The following BSN variants were observed in gnomAD, a reference collection of about 807,000 sequenced individuals.
BSN encodes protein bassoon.
BSN carries 57 observed loss-of-function variants against 264.8 expected under a neutral mutation model. The observed-to-expected ratio is 0.22, with a 90% CI of 0.17 to 0.27. The LOEUF (loss-of-function observed/expected upper bound fraction) is 0.27, where lower values mean the gene tolerates loss of function less well. Among genes scored for constraint, BSN ranks in the 10% least tolerant of loss-of-function variants. BSN has a pLI of 1.00. For synonymous variants in BSN, 2,059 were observed against 2,137.3 expected, an observed-to-expected ratio of 0.96 and a Z score of 1.01; for missense variants, 4,615 against 5,232.5, an observed-to-expected ratio of 0.88 and a Z score of 3.64.
In BSN at chr3:49,660,149, G is replaced by C. The variant is rs1434265431; in HGVS notation, c.8641-337G>C. On this transcript the variant is annotated intron_variant, in intron 5 of 11. Transcript: ENST00000296452. This position sits in a 1 kb window ranked among gnomAD's most constrained non-coding sequence, Gnocchi z 7.1. ...TCTTCTTACCTCAATGTGAGGCAGAGGGTGGCAGGCCCATTGGAGATGTGC... is the reference window on the plus strand; with the variant it reads ...TCTTCTTACCTCAATGTGAGGCAGACGGTGGCAGGCCCATTGGAGATGTGC... Among the ~76,000 whole-genome samples the C allele has an allele frequency of 6.6e-6, 1 of 152,174 alleles. No individual in the cohort carries two copies. Among genetic ancestry groups the C allele is most frequent in the Non-Finnish European group, 1.5e-5 (1 of 68,018 alleles).
chr3:49,616,049 A>T (rs1229973333), intron 1 of BSN, among the ~76,000 whole-genome samples: 1 of 152,232 alleles, frequency 6.6e-6, no homozygotes, highest in Non-Finnish European at 1.5e-5. Flanking sequence ...TTTATAAAAA[A>T]TATGCATTTA....
rs2051648334 is a variant in BSN, at chr3:49,554,608, C to T, written c.6C>T (p.Gly2=). The change falls in exon 1 of 12, where the codon GGC becomes GGT. Residue 2 remains glycine, a synonymous_variant. Coordinates refer to ENST00000296452, the MANE Select transcript of BSN (RefSeq NM_003458.4). M[G]NEVSLEGGAG... ...CGCCCGCCCGCCTGCCCGCCATGGGCAACGAGGTCAGCCTGGAGGGCGGCG... is the reference window on the plus strand; with the variant it reads ...CGCCCGCCCGCCTGCCCGCCATGGGTAACGAGGTCAGCCTGGAGGGCGGCG... The T allele has an allele frequency of 6.1e-6, 6 of 987,442 alleles. No homozygotes were observed. Among genetic ancestry groups the T allele is most frequent in the Non-Finnish European group, 7.2e-6 (6 of 832,822 alleles). The allele number at this position is 987,442 out of a possible 1,614,324, so 61.2% of individuals were successfully genotyped here.
intron 1 of BSN, among the ~76,000 whole-genome samples, chr3:49,609,927 G>A (rs1338567447): frequency 6.6e-6 from 1 of 152,162 alleles, no homozygotes; most frequent in Non-Finnish European, 1.5e-5. Context: ...ACCACACAGA[G>A]CCTCTGCTTC....
In BSN at chr3:49,663,833, C is replaced by T. The variant is rs769943203; in HGVS notation, c.11555C>T (p.Pro3852Leu). The T allele has an allele frequency of 1.6e-5, 26 of 1,613,984 alleles. No homozygotes were observed. The highest frequency in any genetic ancestry group is 1.5e-4 in the African/African-American group (11 of 74,928). ...GGCTCTAAAGGGACAGCCAAAGCAC[C>T]GCAACAGGGGAGGGCTCCTCAGGCC... ...TNGSKGTAKA[P>L]QQGRAPQAQP... Residue 3852 changes from proline (P) to leucine (L), a missense_variant, in exon 8 of 12, where the codon CCG (proline) becomes CTG (leucine). Pro to Leu is a moderately conservative substitution (Grantham distance 98). Around this residue, in one of 3 missense-constraint regions of BSN, gnomAD observed 3,415 missense variants for 3,866.4 expected, o/e 0.88. Transcript: ENST00000296452.
At chr3:49,555,348 C>G (rs1282255407) in intron 1 of BSN, among the ~76,000 whole-genome samples, 1 of 152,186 alleles carries the variant, frequency 6.6e-6, no homozygotes, top group Non-Finnish European at 1.5e-5. Context: ...TGGCTGTAAT[C>G]ACCTTTGGGG....
chr3:49,642,173 G>A lies in BSN; in HGVS notation c.634-95G>A. On this transcript the variant is annotated intron_variant, in intron 2 of 11. Transcript: ENST00000296452. The surrounding 1 kb of genome is among the most constrained non-coding windows in gnomAD (Gnocchi z 7.0). ...GGGCTTGGTGCTCCTGCCTGTGCTA[G>A]GAGTGGCCTTGGCTGCTGTGGGGCC... 6 of 1,015,650 alleles carry A rather than the reference G, an allele frequency of 5.9e-6. No homozygotes were observed. The highest frequency in any genetic ancestry group is 8.2e-6 in the Non-Finnish European group (6 of 733,022). 62.9% of individuals were successfully genotyped at this position (1,015,650 alleles called of 1,614,324 possible).
chr3:49,581,216 C>T (rs558335817), intron 1 of BSN, among the ~76,000 whole-genome samples: 2 of 152,176 alleles, frequency 1.3e-5, no homozygotes, highest in African/African-American at 2.4e-5. Context: ...AACTCCTGAC[C>T]TCAAGTGATC....
At chr3:49,616,045 A>G (rs1281872088) in intron 1 of BSN, among the ~76,000 whole-genome samples, 1 of 152,220 alleles carries the variant, frequency 6.6e-6, no homozygotes, top group Non-Finnish European at 1.5e-5. Flanking sequence ...GGGTTTTATA[A>G]AAAATATGCA....
chr3:49,660,979 C>A lies in BSN; in HGVS notation c.9134C>A (p.Pro3045His), dbSNP rs542682997. The A allele has an allele frequency of 4.6e-5, 74 of 1,611,726 alleles. No homozygotes were observed. Among genetic ancestry groups the A allele is most frequent in the Middle Eastern group, 3.3e-4 (2 of 6,062 alleles). ...FPATAAAPAT[P>H]SGPTAFQQPR... Reference sequence around the variant, plus strand: ...GCCACTGCCGCTGCTCCTGCCACCCCCTCTGGTCCCACTGCCTTCCAGCAG... The same window carrying A: ...GCCACTGCCGCTGCTCCTGCCACCCACTCTGGTCCCACTGCCTTCCAGCAG... Residue 3045 changes from proline (P) to histidine (H), a missense_variant, in exon 6 of 12, where the codon CCC becomes CAC. Transcript: ENST00000296452. This position sits in a 1 kb window ranked among gnomAD's most constrained non-coding sequence, Gnocchi z 7.1.
At position 49,663,071 on chromosome 3, in the gene BSN, G is replaced by A. The variant is rs147167809; in HGVS notation, c.10913G>A (p.Arg3638His). 6 of 1,612,490 alleles carry A rather than the reference G, an allele frequency of 3.7e-6. No homozygotes were observed. The highest frequency in any genetic ancestry group is 5.1e-6 in the Non-Finnish European group (6 of 1,179,840). ...CCTCATGATGAGGGTGGCCCAGGCC[G>A]CCATGCCTCAGCCAAGGAACACCGG... Reference protein sequence around the residue: ...LWPHDEGGPGRHASAKEHRHG... With the variant: ...LWPHDEGGPGHHASAKEHRHG... Residue 3638 changes from arginine to histidine, a missense_variant, in exon 7 of 12, where the codon CGC becomes CAC. Transcript: ENST00000296452.
rs1559618905 is a variant in BSN, at chr3:49,661,354, C to T, written c.9509C>T (p.Pro3170Leu). The T allele has an allele frequency of 3.1e-6, 5 of 1,614,038 alleles. No homozygotes were observed. The Middle Eastern group carries it at 6.6e-4, about 213-fold the overall frequency. The change falls in exon 6 of 12, where the codon CCC (proline) becomes CTC (leucine). Residue 3170 changes from proline to leucine, a missense_variant. Physicochemically the swap from Pro to Leu is moderately conservative, Grantham distance 98 (BLOSUM62 -3). Transcript: ENST00000296452. ...NYEVIASPVVPMSSAPSETSY... is the reference protein window; with the variant it reads ...NYEVIASPVVLMSSAPSETSY... Reference sequence around the variant, plus strand: ...GAGGTGATCGCCAGCCCCGTTGTGCCCATGTCTTCAGCCCCATCTGAAACC... The same window carrying T: ...GAGGTGATCGCCAGCCCCGTTGTGCTCATGTCTTCAGCCCCATCTGAAACC...
In BSN at chr3:49,631,981, T is replaced by C. The variant is rs527908334; in HGVS notation, c.633+6598T>C. Among the ~76,000 whole-genome samples, 195 of 152,294 alleles carry C rather than the reference T, an allele frequency of 1.3e-3. 1 individual carries two copies. The highest frequency in any genetic ancestry group is 4.1e-3 in the African/African-American group (172 of 41,552). On this transcript the variant is annotated intron_variant, in intron 2 of 11. Transcript: ENST00000296452. ...AGTGTGGTACTGGCATAGAGACATA[T>C]AGACCAATAGAGTAGAATACGTAGC...
At position 49,638,449 on chromosome 3, in the gene BSN, A is replaced by T. The variant is rs1464620416; in HGVS notation, c.634-3819A>T. Among the ~76,000 whole-genome samples, 2 of 152,022 alleles carry T rather than the reference A, an allele frequency of 1.3e-5. No individual in the cohort carries two copies. The highest frequency in any genetic ancestry group is 2.9e-5 in the Non-Finnish European group (2 of 67,980). ...GGCTCCTCCCAGGAAACTGCTGGGG[A>T]TCTGTCGGGGAGGCAGAGAGGGGGA... On this transcript the variant is annotated intron_variant, in intron 2 of 11. Coordinates refer to ENST00000296452, the MANE Select transcript of BSN (RefSeq NM_003458.4). This position sits in a 1 kb window ranked among gnomAD's most constrained non-coding sequence, Gnocchi z 4.3.
intron 3 of BSN, among the ~76,000 whole-genome samples, chr3:49,647,788 C>T (rs777067263): frequency 6.6e-6 from 1 of 152,226 alleles, no homozygotes; most frequent in Non-Finnish European, 1.5e-5. Context: ...CCACCCGATT[C>T]TCATTCCCCA....
rs546992544 is a variant in BSN, at chr3:49,592,645, G to T, written c.225-32330G>T. Among the ~76,000 whole-genome samples, 283 of 151,242 alleles carry T rather than the reference G, an allele frequency of 1.9e-3. 2 individuals carry two copies. Among genetic ancestry groups the T allele is most frequent in the African/African-American group, 6.5e-3 (269 of 41,340 alleles). On this transcript the variant is annotated intron_variant, in intron 1 of 11. Transcript: ENST00000296452. ...GGGCGCCTGTAGTCCCAGCTACTCG[G>T]GAGGCTGAGGCAGGAGAATGGTGTG...
At chr3:49,618,562 A>G (rs2052279321) in intron 1 of BSN, among the ~76,000 whole-genome samples, 1 of 152,230 alleles carries the variant, frequency 6.6e-6, no homozygotes, top group Admixed American at 6.5e-5. Context: ...AGTTCAACAC[A>G]CACTATCACA....
chr3:49,623,346 G>T (rs1332293541), intron 1 of BSN, among the ~76,000 whole-genome samples: 1 of 152,232 alleles, frequency 6.6e-6, no homozygotes, highest in Non-Finnish European at 1.5e-5. Context: ...ACTAAAGCAG[G>T]GAGAGAATTT....
chr3:49,621,767 G>C (rs1372906604), intron 1 of BSN, among the ~76,000 whole-genome samples: 1 of 152,036 alleles, frequency 6.6e-6, no homozygotes, highest in Non-Finnish European at 1.5e-5. Flanking sequence ...ACTCAGGCTG[G>C]AGCACAGCAG....
chr3:49,589,170 C>G (rs1449730532), intron 1 of BSN, among the ~76,000 whole-genome samples: 1 of 151,106 alleles, frequency 6.6e-6, no homozygotes. Context: ...CCTCGGCCTC[C>G]CAAAGTGCTG....
Sources: gnomAD v4.1 joint callset for allele counts (sites outside exome capture counted in the v4.1 genomes callset) on GRCh38, gnomAD v4.1.1 for gene constraint, gnomAD v4.1.1 regional missense constraint, Gnocchi (gnomAD v3.1) non-coding constraint, MANE v1.5 for transcripts, NCBI Gene and HGNC (gene_info 2026-07-23, HGNC 2026-07-21) for gene names.